The following NEK3 variants were observed in gnomAD, a reference collection of about 807,000 sequenced individuals.
NEK3 encodes the protein NIMA related kinase 3.
In NEK3, 54 loss-of-function variants were observed where a neutral mutation model predicts 66.0. The ratio of observed to expected loss-of-function variants is 0.82; its 90% CI spans 0.66 to 1.03. The LOEUF is 1.03. Ranked by LOEUF, NEK3 falls within the 50% of genes least tolerant of loss-of-function variation. The pLI is 0.00. For synonymous variants in NEK3, 200 were observed against 206.2 expected (o/e 0.97, Z 0.26); for missense variants, 593 against 603.0 (o/e 0.98, Z 0.17).
In NEK3 at chr13:52,151,351, G is replaced by A; in HGVS notation, c.435C>T (p.Asp145=). The part of the protein sequence containing the change: ...LTQNGKVKLG[D]FGSARLLSNP... ...TGGAGAGAAGACGGGCAGATCCAAA[G>A]TCTCCCAATTTCACTTTTCCATTCT... is the stretch of plus-strand genomic sequence containing the variant. The change falls in exon 6 of 16, where the codon GAC becomes GAT. Residue 145 remains aspartate, a synonymous_variant. Coordinates refer to ENST00000610828, the MANE Select transcript of NEK3 (RefSeq NM_002498.3). 1 of 1,597,964 alleles carries A rather than the reference G, an allele frequency of 6.3e-7. No individual in the cohort carries two copies. The highest frequency in any genetic ancestry group is 2.2e-5 in the East Asian group (1 of 44,570).
rs146509048 is a variant in NEK3, at chr13:52,159,573, T to C, written c.-88A>G. 0.028 allele frequency: 4,218 copies of C among 152,026 alleles called. 84 individuals carry two copies. Among genetic ancestry groups the C allele is most frequent in the Middle Eastern group, 0.11 (32 of 294 alleles). The allele number at this position is 152,026 out of a possible 1,614,324, so 9.4% of individuals were successfully genotyped here. ...TCCCCGGCGACCCTAGTCCACTCCT[T>C]GGCCTGGCAACCGGCGGCTTCCGCG... On this transcript the variant is annotated 5_prime_UTR_variant, in exon 1 of 16. Transcript: ENST00000610828.
At chr13:52,140,988 C>T (rs1166294125) in intron 11 of NEK3, 32 bp downstream of exon 11, 9 of 1,551,020 alleles carry the variant, frequency 5.8e-6, no homozygotes, top group Admixed American at 1.9e-5. Context: ...CCACCGCGCC[C>T]GGCCTCATAA....
intron 8 of NEK3, among the ~76,000 whole-genome samples, chr13:52,146,680 G>C (rs1029500256): frequency 6.6e-6 from 1 of 152,150 alleles, no homozygotes; most frequent in African/African-American, 2.4e-5. Flanking sequence ...TAATGCCCAG[G>C]ACATTTTCAG....
At chr13:52,135,354 G>A (rs569947521) in intron 14 of NEK3, among the ~76,000 whole-genome samples, 1 of 152,264 alleles carries the variant, frequency 6.6e-6, no homozygotes, top group African/African-American at 2.4e-5. Context: ...TTCAAAGAAA[G>A]TAGTAGCAGG....
intron 8 of NEK3, among the ~76,000 whole-genome samples, chr13:52,147,606 AG>A (rs1470147814): frequency 6.6e-6 from 1 of 152,218 alleles, no homozygotes; most frequent in African/African-American, 2.4e-5. Context: ...GACTGGGGAA[AG>A]GGAAGAAATG....
In NEK3 at chr13:52,144,724, T is replaced by C; in HGVS notation, c.771A>G (p.Val257=). 6.2e-7 allele frequency: 1 copy of C among 1,613,922 alleles called. No homozygotes were observed. ...SATTLLSRGI[V]ARLVQKCLPP... is the part of the protein sequence containing the mutation. Reference sequence around the variant, plus strand: ...GTAAGCACTTCTGGACAAGCCGAGCTACGATGCCTCGAGAGAGAAGCGTTG... The same window carrying C: ...GTAAGCACTTCTGGACAAGCCGAGCCACGATGCCTCGAGAGAGAAGCGTTG... The change falls in exon 9 of 16, where the codon GTA becomes GTG. Residue 257 remains valine (V), a synonymous_variant. Transcript: ENST00000610828.
intron 12 of NEK3, 59 bp from the exon 13 acceptor site, chr13:52,136,318 T>C: frequency 6.5e-7 from 1 of 1,540,628 alleles, no homozygotes; most frequent in South Asian, 1.1e-5. Flanking sequence ...TCCATCTCTG[T>C]CCACACATAG....
rs181456853 is a variant in NEK3 at position 52,157,712 on chromosome 13, T to C, written c.-57-1464A>G. ...GCAGCTAGCGGGACTGCTTAGCACA[T>C]AAGAGAAAATGGATAAAACGTTCCT... On this transcript the variant is annotated intron_variant, in intron 1 of 15. Transcript: ENST00000610828. Among the ~76,000 whole-genome samples the C allele has an allele frequency of 2.1e-3, 321 of 152,276 alleles. 2 individuals carry two copies. Among genetic ancestry groups the C allele is most frequent in the African/African-American group, 7.1e-3 (297 of 41,558 alleles).
At chr13:52,137,466 G>A (rs2138190848) in intron 11 of NEK3, among the ~76,000 whole-genome samples, 1 of 152,276 alleles carries the variant, frequency 6.6e-6, no homozygotes, top group African/African-American at 2.4e-5. Context: ...ACAGTCCCAG[G>A]CAAACAAATT....
intron 7 of NEK3, among the ~76,000 whole-genome samples, 164 bp from the exon 8 acceptor site, chr13:52,148,633 C>A (rs555997696): frequency 1.3e-5 from 2 of 152,282 alleles, no homozygotes; most frequent in African/African-American, 4.8e-5. Flanking sequence ...GTAGTGTTCA[C>A]AATAAAACTC....
intron 12 of NEK3, 105 bp from the exon 13 acceptor site, chr13:52,136,364 C>A: frequency 9.0e-7 from 1 of 1,115,128 alleles, no homozygotes; most frequent in South Asian, 1.7e-5. Context: ...TTTTCTCTTT[C>A]ATATTCAGAT....
At chr13:52,157,695 C>G (rs548419723) in intron 1 of NEK3, among the ~76,000 whole-genome samples, 1 of 152,228 alleles carries the variant, frequency 6.6e-6, no homozygotes, top group Admixed American at 6.5e-5. Flanking sequence ...AAGCAGCTAG[C>G]GGGACTGCTT....
intron 8 of NEK3, among the ~76,000 whole-genome samples, chr13:52,147,716 AAT>A (rs774440636): frequency 4.6e-5 from 7 of 152,186 alleles, no homozygotes; most frequent in Non-Finnish European, 8.8e-5. Context: ...TCATGCCTGT[AAT>A]CCCAGCACTT....
Position 52,148,441 on chromosome 13 carries a change from A to G in NEK3, c.577T>C (p.Tyr193His). ...SDIWSLGCIL[Y>H]ELCTLKHPFQ... ...GGATGCTTAAGGGTACAGAGTTCAT[A>G]CAGGATGCAACCCAAGGACCAGATG... The change falls in exon 8 of 16, where the codon TAT (tyrosine) becomes CAT (histidine). Residue 193 changes from tyrosine (Y) to histidine (H), a missense_variant. Physicochemically the swap from Tyr to His is moderately conservative, Grantham distance 83. Coordinates refer to ENST00000610828, the MANE Select transcript of NEK3 (RefSeq NM_002498.3). 6.2e-7 allele frequency: 1 copy of G among 1,613,772 alleles called. No individual in the cohort carries two copies. The highest frequency in any genetic ancestry group is 1.1e-5 in the South Asian group (1 of 91,028).
chr13:52,140,846 G>A (rs1430962303), intron 11 of NEK3, among the ~76,000 whole-genome samples, 174 bp downstream of exon 11: 5 of 151,008 alleles, frequency 3.3e-5, no homozygotes, highest in South Asian at 2.1e-4. Flanking sequence ...ATGAAGTCTC[G>A]CTCTTGTCGC....
chr13:52,154,089 A>G lies in NEK3; in HGVS notation c.202T>C (p.Ser68Pro). 6.2e-7 allele frequency: 1 copy of G among 1,611,338 alleles called. No individual in the cohort carries two copies. The highest frequency in any genetic ancestry group is 1.3e-5 in the African/African-American group (1 of 74,976). Residue 68 changes from serine to proline, a missense_variant, in exon 3 of 16, where the codon TCA becomes CCA. Transcript: ENST00000610828. The stretch of plus-strand genomic sequence containing the variant: ...GGGAATTCGTATTTACCTTCAAATG[A>G]TTCTTTGAAGGCAACAATATTAGGG... ...KHPNIVAFKE[S>P]FEAEGHLYIV... is the part of the protein sequence containing the mutation.
At chr13:52,136,038 T>C (rs563763194) in intron 13 of NEK3, 78 bp downstream of exon 13, 1 of 1,562,444 alleles carries the variant, frequency 6.4e-7, no homozygotes, top group South Asian at 1.2e-5. Flanking sequence ...TCACAGACAT[T>C]AAAAGGCTCT....
chr13:52,133,853 C>T, intron 14 of NEK3, 38 bp from the exon 15 acceptor site: 4 of 1,564,410 alleles, frequency 2.6e-6, no homozygotes, highest in Non-Finnish European at 3.5e-6. Context: ...CCAATTTAAA[C>T]AGTATTTACT....
intron 3 of NEK3, 28 bp from the exon 4 acceptor site, chr13:52,154,020 A>C: frequency 6.2e-7 from 1 of 1,603,030 alleles, no homozygotes; most frequent in South Asian, 1.1e-5. Context: ...TCTTTAGAAA[A>C]GCTGTAGTGG....
Sources: gnomAD v4.1 joint callset for allele counts (sites outside exome capture counted in the v4.1 genomes callset) on GRCh38, gnomAD v4.1.1 for gene constraint, MANE v1.5 for transcripts, NCBI Gene and HGNC (gene_info 2026-07-23, HGNC 2026-07-21) for gene names.